The following NYAP2 variants were observed in gnomAD, a reference collection of about 807,000 sequenced individuals.
The protein encoded by NYAP2 is neuronal tyrosine-phosphorylated phosphoinositide-3-kinase adaptor 2, also known as neuronal tyrosine-phosphorylated phosphoinositide-3-kinase adapter 2.
NYAP2 carries 23 observed loss-of-function variants against 50.4 expected under a neutral mutation model. That is an observed-to-expected ratio of 0.46 (90% CI 0.33 to 0.65). NYAP2 has a LOEUF of 0.65. NYAP2 is among the 30% of genes least tolerant of loss of function. NYAP2 has a pLI of 0.02. For missense variants in NYAP2, 885 were observed against 861.0 expected, an observed-to-expected ratio of 1.03 and a Z score of -0.35; for synonymous variants, 394 against 365.2, an observed-to-expected ratio of 1.08 and a Z score of -0.90.
At chr2:225,479,411 C>T (rs1346646920) in intron 3 of NYAP2, among the ~76,000 whole-genome samples, 2 of 152,208 alleles carry the variant, frequency 1.3e-5, no homozygotes, top group South Asian at 2.1e-4. Flanking sequence ...TGAATCTCAG[C>T]AAGAATATTT....
chr2:225,601,613 T>G (rs2106242000), intron 5 of NYAP2, among the ~76,000 whole-genome samples: 1 of 152,334 alleles, frequency 6.6e-6, no homozygotes, highest in South Asian at 2.1e-4. Flanking sequence ...GTGATATTTC[T>G]TTTGGTTTTG....
intron 4 of NYAP2, among the ~76,000 whole-genome samples, chr2:225,574,232 C>T (rs1251126833): frequency 6.6e-6 from 1 of 152,086 alleles, no homozygotes; most frequent in Non-Finnish European, 1.5e-5. Flanking sequence ...CCGCACAAAC[C>T]CAATATACAC....
chr2:225,470,242 C>T (rs1363778141), intron 3 of NYAP2, among the ~76,000 whole-genome samples: 1 of 152,064 alleles, frequency 6.6e-6, no homozygotes, highest in East Asian at 1.9e-4. Flanking sequence ...CTTGATAAGC[C>T]TCTTCCCTTG....
chr2:225,398,650 G>C (rs893789208), upstream of NYAP2, among the ~76,000 whole-genome samples: 2 of 151,558 alleles, frequency 1.3e-5, no homozygotes, highest in Non-Finnish European at 2.9e-5. Context: ...GAGAGGGAAA[G>C]GGAGAGCATT....
chr2:225,687,110 AT>A, the NYAP2 span, among the ~76,000 whole-genome samples: 6 of 152,150 alleles, frequency 3.9e-5, no homozygotes, highest in African/African-American at 1.2e-4. Context: ...CATGTGATAT[AT>A]TTAGTCTTGA....
chr2:225,603,352 T>C (rs148562671), intron 5 of NYAP2, among the ~76,000 whole-genome samples: 222 of 152,316 alleles, frequency 1.5e-3, no homozygotes, highest in Non-Finnish European at 2.2e-3. Context: ...GGATCAGAGA[T>C]ACATTAATAA....
intron 4 of NYAP2, among the ~76,000 whole-genome samples, chr2:225,547,107 C>T (rs1000082151): frequency 1.3e-5 from 2 of 152,154 alleles, no homozygotes; most frequent in African/African-American, 4.8e-5. Flanking sequence ...TCCCCTCCCA[C>T]ACAAGGAAGG....
chr2:225,633,459 A>T (rs1038275584), intron 6 of NYAP2, among the ~76,000 whole-genome samples: 1 of 152,240 alleles, frequency 6.6e-6, no homozygotes, highest in Non-Finnish European at 1.5e-5. Flanking sequence ...AGCAGGAAAG[A>T]TGCCTTCCTT....
intron 3 of NYAP2, among the ~76,000 whole-genome samples, chr2:225,445,088 G>T (rs1310157854): frequency 2.0e-5 from 3 of 152,148 alleles, no homozygotes; most frequent in African/African-American, 4.8e-5. Flanking sequence ...ATAGAGGTAT[G>T]TAACTGACAT....
intron 3 of NYAP2, among the ~76,000 whole-genome samples, chr2:225,421,009 A>T (rs1328913039): frequency 2.6e-5 from 4 of 151,826 alleles, no homozygotes; most frequent in Non-Finnish European, 1.5e-5. Context: ...TGCAGCCTCA[A>T]CCTCCCAGGC....
intron 4 of NYAP2, among the ~76,000 whole-genome samples, chr2:225,515,220 T>C (rs957194712): frequency 3.3e-5 from 5 of 152,246 alleles, no homozygotes; most frequent in East Asian, 1.9e-4. Flanking sequence ...TGTAAGTATA[T>C]GTGGTTAAGA....
At chr2:225,660,401 T>A in the NYAP2 span, among the ~76,000 whole-genome samples, 4 of 151,652 alleles carry the variant, frequency 2.6e-5, no homozygotes, top group African/African-American at 9.7e-5. Context: ...AGCTATTATC[T>A]GCTAGGGTCG....
intron 4 of NYAP2, among the ~76,000 whole-genome samples, chr2:225,529,457 C>G (rs113632247): frequency 6.6e-6 from 1 of 151,928 alleles, no homozygotes; most frequent in Admixed American, 6.6e-5. Flanking sequence ...CCCCGAGTAG[C>G]TGGCATTACA....
At chr2:225,604,966 T>A (rs1048311952) in intron 5 of NYAP2, among the ~76,000 whole-genome samples, 1 of 152,166 alleles carries the variant, frequency 6.6e-6, no homozygotes, top group African/African-American at 2.4e-5. Flanking sequence ...TATTAGTAAC[T>A]GTGATTCCAG....
At chr2:225,589,789 G>A (rs939369397) in intron 5 of NYAP2, among the ~76,000 whole-genome samples, 2 of 152,060 alleles carry the variant, frequency 1.3e-5, no homozygotes, top group Non-Finnish European at 2.9e-5. Context: ...AGCAGGTGCT[G>A]ACAAAGAGTA....
At chr2:225,530,785 G>T (rs1300078345) in intron 4 of NYAP2, among the ~76,000 whole-genome samples, 3 of 152,098 alleles carry the variant, frequency 2.0e-5, no homozygotes, top group African/African-American at 7.2e-5. Flanking sequence ...TTCCTCCATG[G>T]TTTTTTATCT....
At chr2:225,496,428 C>T (rs1419352085) in intron 3 of NYAP2, among the ~76,000 whole-genome samples, 1 of 152,078 alleles carries the variant, frequency 6.6e-6, no homozygotes, top group Non-Finnish European at 1.5e-5. Context: ...ATTTTTTATC[C>T]TCCTTTTTTT....
intron 4 of NYAP2, among the ~76,000 whole-genome samples, chr2:225,535,521 C>A (rs976582242): frequency 1.3e-5 from 2 of 152,078 alleles, no homozygotes; most frequent in Non-Finnish European, 2.9e-5. Flanking sequence ...AAGGATAAGA[C>A]CAGGAAATGA....
intron 3 of NYAP2, among the ~76,000 whole-genome samples, chr2:225,418,470 C>T (rs767731656): frequency 9.9e-5 from 15 of 152,090 alleles, no homozygotes; most frequent in Non-Finnish European, 2.1e-4. Context: ...ACCAGAGCAG[C>T]AGTCCTGGAG....
Sources: allele counts gnomAD v4.1 joint callset (sites outside exome capture counted in the v4.1 genomes callset), GRCh38; gene constraint gnomAD v4.1.1; transcripts MANE v1.5; gene names NCBI Gene and HGNC (gene_info 2026-07-23, HGNC 2026-07-21).